The following PRMT2 variants were observed in gnomAD, a reference collection of about 807,000 sequenced individuals.
PRMT2 encodes protein arginine N-methyltransferase 2.
In PRMT2, 26 loss-of-function variants were observed where a neutral mutation model predicts 57.6. The ratio of observed to expected loss-of-function variants is 0.45; its 90% confidence interval spans 0.33 to 0.63. The LOEUF is 0.63. PRMT2 is among the 20% of genes least tolerant of loss of function. PRMT2 has a pLI of 0.02. For missense variants in PRMT2, 472 were observed against 564.4 expected, an observed-to-expected ratio of 0.84 and a Z score of 1.66; for synonymous variants, 219 against 220.0, an observed-to-expected ratio of 1.00 and a Z score of 0.04.
At chr21:46,644,117 A>G (rs1386340016) in intron 4 of PRMT2, among the ~76,000 whole-genome samples, 189 bp from the exon 5 acceptor site, 1 of 152,130 alleles carries the variant, frequency 6.6e-6, no homozygotes, top group Non-Finnish European at 1.5e-5. Context: ...CCCTCCTTTC[A>G]GGTAGATGTT....
At chr21:46,641,122 T>TTA (rs1386242229) in intron 3 of PRMT2, among the ~76,000 whole-genome samples, 1 of 16,898 alleles carries the variant, frequency 5.9e-5, no homozygotes, top group East Asian at 1.7e-3. Context: ...TGACCTCATC[T>TTA]CAAAAAAAAA....
At chr21:46,659,172 T>A (rs1465381711) in intron 8 of PRMT2, 3 of 1,227,576 alleles carry the variant, frequency 2.4e-6, no homozygotes, top group African/African-American at 1.5e-5. Flanking sequence ...GCATTACGAT[T>A]AGGAGGGAGT....
intron 3 of PRMT2, among the ~76,000 whole-genome samples, chr21:46,639,419 C>G (rs1203453385): frequency 2.0e-5 from 3 of 152,000 alleles, no homozygotes; most frequent in African/African-American, 4.8e-5. Flanking sequence ...TTGCCATCTT[C>G]TATCAGTTAC....
chr21:46,664,313 C>T lies in PRMT2; in HGVS notation c.1288C>T (p.Pro430Ser), dbSNP rs1896885187. 6 of 1,613,754 alleles carry T rather than the reference C, an allele frequency of 3.7e-6. No individual in the cohort carries two copies. Among genetic ancestry groups the T allele is most frequent in the Non-Finnish European group, 5.1e-6 (6 of 1,179,668 alleles). The change falls in exon 12 of 12, where the codon CCC (proline) becomes TCC (serine). Residue 430 changes from proline (P) to serine (S), a missense_variant. By Grantham distance (74) the Pro-to-Ser change is moderately conservative. Coordinates refer to ENST00000355680, the MANE Select transcript of PRMT2 (RefSeq NM_206962.4). ...TTTTCAGGTTGGAGAAAAAGTCTTC[C>T]CCATCTGGAGATGACAGTTGATGCT... The part of the protein sequence containing the change: ...TSQKVGEKVF[P>S]IWR
chr21:46,652,462 T>C (rs76362706), intron 7 of PRMT2: 92,567 of 1,041,528 alleles, frequency 0.089, 4,609 homozygotes, highest in Non-Finnish European at 0.098. Context: ...GAGCAGGGAC[T>C]AGAAAGGCAG....
intron 7 of PRMT2, chr21:46,657,718 T>C (rs1008865420): frequency 3.3e-5 from 5 of 152,114 alleles, no homozygotes; most frequent in African/African-American, 1.2e-4. Flanking sequence ...GAGCTGTGTG[T>C]ATGCTGGCTG....
At position 46,665,123 on chromosome 21, in the gene PRMT2, T is replaced by C. The variant is rs915805250; in HGVS notation, c.*796T>C. 5 of 152,138 alleles carry C rather than the reference T, an allele frequency of 3.3e-5. No individual in the cohort carries two copies. The highest frequency in any genetic ancestry group is 2.1e-4 in the South Asian group (1 of 4,824). 9.4% of individuals were successfully genotyped at this position (152,138 alleles called of 1,614,324 possible). A position where few individuals can be genotyped will look rare whatever the true frequency, so the allele number is the denominator to read the frequency against. The stretch of plus-strand genomic sequence containing the variant: ...ATTTTTATTAAATTTTATTGAAATA[T>C]AGGCTGGGTGCAGTGGCTTACCTCT... On this transcript the variant is annotated 3_prime_UTR_variant, in exon 12 of 12. Transcript: ENST00000355680.
At chr21:46,639,796 G>C (rs892025802) in intron 3 of PRMT2, among the ~76,000 whole-genome samples, 4 of 151,312 alleles carry the variant, frequency 2.6e-5, no homozygotes, top group African/African-American at 9.7e-5. Context: ...GTTGGGTCTA[G>C]CTCTTAGGTC....
At chr21:46,638,100 C>T (rs2061207043) in intron 3 of PRMT2, among the ~76,000 whole-genome samples, 1 of 152,182 alleles carries the variant, frequency 6.6e-6, no homozygotes, top group African/African-American at 2.4e-5. Flanking sequence ...TTTTATACCT[C>T]TATGGCTTAT....
chr21:46,650,059 G>A (rs2061426374), intron 7 of PRMT2, among the ~76,000 whole-genome samples: 1 of 152,166 alleles, frequency 6.6e-6, no homozygotes, highest in Admixed American at 6.5e-5. Flanking sequence ...AATGCCAGTA[G>A]GGCCTTCGTC....
intron 7 of PRMT2, chr21:46,656,729 G>GA (rs1275964305): frequency 3.9e-5 from 6 of 152,114 alleles, no homozygotes; most frequent in Admixed American, 2.6e-4. Context: ...AAACCTCCTT[G>GA]AAAAAATCAT....
intron 7 of PRMT2, chr21:46,653,739 T>C (rs2061497648): frequency 2.5e-6 from 3 of 1,198,878 alleles, no homozygotes; most frequent in South Asian, 1.7e-5. Context: ...CCATCAACTC[T>C]TCTGGATTCC....
In PRMT2 at chr21:46,648,462, T is replaced by G. The variant is rs1032878963; in HGVS notation, c.332T>G (p.Leu111Arg). The part of the protein sequence containing the change: ...EYFGSYGTLK[L>R]HLEMLADQPR... ...CTGAATGTGCATTTCTTCCAGAAACTCCACTTGGAGATGTTGGCAGACCAG... is the reference window on the plus strand; with the variant it reads ...CTGAATGTGCATTTCTTCCAGAAACGCCACTTGGAGATGTTGGCAGACCAG... The change falls in exon 6 of 12, where the codon CTC (leucine) becomes CGC (arginine). Residue 111 changes from leucine to arginine, a missense_variant. Leu to Arg is a moderately radical substitution (Grantham distance 102). Around this residue, in one of 2 missense-constraint regions of PRMT2, gnomAD observed 243 missense variants for 347.2 expected, o/e 0.70. Coordinates refer to ENST00000355680, the MANE Select transcript of PRMT2 (RefSeq NM_206962.4). This position sits in a 1 kb window ranked among gnomAD's most constrained non-coding sequence, Gnocchi z 4.8. The G allele has an allele frequency of 1.9e-6, 3 of 1,613,868 alleles. No homozygotes were observed. In the African/African-American group the frequency reaches 4.0e-5, roughly 22 times the overall value.
At chr21:46,658,708 G>A (rs376893768) in intron 7 of PRMT2, 37 bp from the exon 8 acceptor site, 34 of 1,606,770 alleles carry the variant, frequency 2.1e-5, no homozygotes, top group Non-Finnish European at 2.8e-5. Context: ...CGCGGGGCCT[G>A]TGATGTGTCT....
rs554620913 is a variant in PRMT2 at position 46,649,764 on chromosome 21, G to C, written c.654+25G>C. ...GGTGAGGGCGGGCGTGCGGGCAGCT[G>C]GGGGCCGGAGCTGGGGGGCTTCTGA... On this transcript the variant is annotated intron_variant, in intron 7 of 11. Transcript: ENST00000355680. The surrounding 1 kb of genome is among the most constrained non-coding windows in gnomAD (Gnocchi z 4.8). The C allele has an allele frequency of 2.0e-5, 32 of 1,604,270 alleles. No homozygotes were observed. The South Asian group carries it at 3.6e-4, about 18-fold the overall frequency.
In PRMT2 at chr21:46,646,270, TAA is replaced by T. The variant is rs568179895; in HGVS notation, c.327+1785_327+1786del. 1.4e-4 allele frequency among the ~76,000 whole-genome samples: 21 copies of T among 152,338 alleles called. 2 individuals are homozygous for T. The South Asian group carries it at 3.9e-3, about 29-fold the overall frequency. ...TCGCAGGTATGCCATATTTCACAATTAAAAGTGTTAAAAACTATTCATGTCTG... is the reference window on the plus strand; with the variant it reads ...TCGCAGGTATGCCATATTTCACAATTAAGTGTTAAAAACTATTCATGTCTG... On this transcript the variant is annotated intron_variant, in intron 5 of 11. Transcript: ENST00000355680.
intron 7 of PRMT2, chr21:46,657,635 CGGT>C (rs1487235801): frequency 6.6e-6 from 1 of 152,124 alleles, no homozygotes; most frequent in Non-Finnish European, 1.5e-5. Context: ...GAGACCAGAT[CGGT>C]GGCTGGAGAG....
chr21:46,636,918 A>T lies in PRMT2; in HGVS notation c.-34A>T. ...TAGAAATGGAAAAGAAAATGAAATA[A>T]ATCAGCAGTTATGAGGCAGAGCCTA... On this transcript the variant is annotated 5_prime_UTR_variant, in exon 3 of 12. It removes the in-frame stop codon of an upstream open reading frame in the 5' UTR. Transcript: ENST00000355680. 1 of 1,600,988 alleles carries T rather than the reference A, an allele frequency of 6.2e-7. No homozygotes were observed. Among genetic ancestry groups the T allele is most frequent in the Admixed American group, 1.7e-5 (1 of 57,150 alleles).
At chr21:46,654,965 A>G (rs2061520809) in intron 7 of PRMT2, 1 of 972,144 alleles carries the variant, frequency 1.0e-6, no homozygotes, top group Admixed American at 6.2e-5. Flanking sequence ...AAGAAGGTCC[A>G]TGAAATGGAC....
Sources: gnomAD v4.1 joint callset for allele counts (sites outside exome capture counted in the v4.1 genomes callset) on GRCh38, gnomAD v4.1.1 for gene constraint, gnomAD v4.1.1 regional missense constraint, Gnocchi (gnomAD v3.1) non-coding constraint, MANE v1.5 for transcripts, NCBI Gene and HGNC (gene_info 2026-07-23, HGNC 2026-07-21) for gene names.